The following PPP2R5C variants were observed in gnomAD, a reference collection of about 807,000 sequenced individuals.
The protein encoded by PPP2R5C is serine/threonine-protein phosphatase 2A 56 kDa regulatory subunit gamma isoform.
PPP2R5C carries 7 observed loss-of-function variants against 68.9 expected under a neutral mutation model. The observed-to-expected ratio is 0.10, with a 90% CI of 0.06 to 0.19. PPP2R5C has a LOEUF of 0.19. PPP2R5C is among the 10% of genes least tolerant of loss of function. PPP2R5C has a pLI of 1.00. For missense variants in PPP2R5C, 348 were observed against 641.3 expected (o/e 0.54, Z 4.94); for synonymous variants, 210 against 222.2 (o/e 0.95, Z 0.49).
intron 7 of PPP2R5C, 55 bp from the exon 10 acceptor site, chr14:101,894,452 C>T (rs2045168258): frequency 6.5e-7 from 1 of 1,529,748 alleles, no homozygotes; most frequent in African/African-American, 1.4e-5. Flanking sequence ...CTAGAAGAAG[C>T]ACAGCAGCAT....
At chr14:101,792,599 C>A (rs1192573799) in intron 3 of PPP2R5C, among the ~76,000 whole-genome samples, 2 of 152,146 alleles carry the variant, frequency 1.3e-5, no homozygotes, top group Non-Finnish European at 2.9e-5. Flanking sequence ...ACAGCTGAAG[C>A]TTTTTTCTAG....
At chr14:101,925,028 G>A (rs532337462) in intron 13 of PPP2R5C, 113 bp from the exon 16 acceptor site, 21 of 1,216,512 alleles carry the variant, frequency 1.7e-5, no homozygotes, top group African/African-American at 3.0e-5. Flanking sequence ...TGCCGCCAGC[G>A]AGTGGGTGAG....
chr14:101,782,167 TC>T (rs1371517975), intron 2 of PPP2R5C, among the ~76,000 whole-genome samples: 1 of 30,572 alleles, frequency 3.3e-5, no homozygotes, highest in South Asian at 1.9e-3. Flanking sequence ...TCTCTCTTTT[TC>T]CCCCTCCCCC....
intron 1 of PPP2R5C, among the ~76,000 whole-genome samples, chr14:101,838,405 T>C (rs1234749661): frequency 6.6e-6 from 1 of 152,258 alleles, no homozygotes; most frequent in Non-Finnish European, 1.5e-5. Context: ...TTGTTAACTT[T>C]CTTAAATAAT....
At chr14:101,892,770 C>G (rs556123075) in intron 6 of PPP2R5C, among the ~76,000 whole-genome samples, 1 of 152,066 alleles carries the variant, frequency 6.6e-6, no homozygotes, top group African/African-American at 2.4e-5. Context: ...AACAGTGGCT[C>G]TTCACAGGTG....
At chr14:101,921,556 G>A (rs1214840797) in intron 13 of PPP2R5C, among the ~76,000 whole-genome samples, 1 of 151,958 alleles carries the variant, frequency 6.6e-6, no homozygotes, top group East Asian at 1.9e-4. Context: ...CGGGATGCAG[G>A]AAAAACGTGC....
chr14:101,819,587 T>C (rs2039923735), intron 1 of PPP2R5C: 1 of 153,198 alleles, frequency 6.5e-6, no homozygotes, highest in African/African-American at 2.4e-5. Flanking sequence ...GTTTTTAGTT[T>C]TGTTTTTGTT....
At chr14:101,918,177 A>G (rs1383752928) in intron 13 of PPP2R5C, among the ~76,000 whole-genome samples, 1 of 115,420 alleles carries the variant, frequency 8.7e-6, no homozygotes, top group Admixed American at 7.7e-5. Flanking sequence ...CCATTTACTA[A>G]CAGCAGTAGT....
chr14:101,855,925 A>C (rs1457794108), intron 1 of PPP2R5C, among the ~76,000 whole-genome samples: 1 of 152,220 alleles, frequency 6.6e-6, no homozygotes, highest in African/African-American at 2.4e-5. Flanking sequence ...AGTTTTTAGG[A>C]TGATGTCTGG....
At chr14:101,794,327 A>G (rs995904726) in intron 3 of PPP2R5C, among the ~76,000 whole-genome samples, 1 of 150,010 alleles carries the variant, frequency 6.7e-6, no homozygotes, top group African/African-American at 2.5e-5. Context: ...CAAAAACAAT[A>G]TTGATATTAC....
intron 2 of PPP2R5C, among the ~76,000 whole-genome samples, chr14:101,861,181 G>A (rs1260978033): frequency 2.0e-5 from 3 of 152,174 alleles, no homozygotes; most frequent in Non-Finnish European, 4.4e-5. Flanking sequence ...AAGAGTTAAG[G>A]TTAGGGGTTG....
rs1053684400 is a variant in PPP2R5C, at chr14:101,771,285, C to T, written c.93+8315C>T. Among the ~76,000 whole-genome samples, 10 of 149,438 alleles carry T rather than the reference C, an allele frequency of 6.7e-5. No homozygotes were observed. The South Asian group carries it at 2.1e-3, about 32-fold the overall frequency. ...TGTGTATTTTTTTGAGACAGAGTCT[C>T]ACCCTGTCGCCCAGGCTGGAGTGCA... On this transcript the variant is annotated intron_variant, in intron 2 of 14. Coordinates refer to the PPP2R5C transcript ENST00000328724.
In PPP2R5C at chr14:101,876,414, C is replaced by T. The variant is rs76639923; in HGVS notation, c.295-5747C>T. The stretch of plus-strand genomic sequence containing the variant: ...GTTGCCTCTAAAGTTAGACTGTCAG[C>T]GGTTTTTTTTTTTAATGTATCCCTT... On this transcript the variant is annotated intron_variant, in intron 2 of 13. Transcript: ENST00000334743. Among the ~76,000 whole-genome samples, 1,100 of 149,728 alleles carry T rather than the reference C, an allele frequency of 7.3e-3. 17 individuals carry two copies. Among genetic ancestry groups the T allele is most frequent in the African/African-American group, 0.026 (1,053 of 40,896 alleles).
intron 2 of PPP2R5C, among the ~76,000 whole-genome samples, chr14:101,878,938 C>A (rs1470456526): frequency 6.6e-6 from 1 of 152,202 alleles, no homozygotes; most frequent in Non-Finnish European, 1.5e-5. Context: ...TTTCAGTTAT[C>A]GCCTTTAACC....
chr14:101,765,888 T>G (rs554909889), intron 2 of PPP2R5C: 1 of 152,288 alleles, frequency 6.6e-6, no homozygotes, highest in East Asian at 1.9e-4. Flanking sequence ...TGCAGCCCCT[T>G]TCAAGCCTTT....
chr14:101,771,998 C>G (rs1315985904), intron 2 of PPP2R5C, among the ~76,000 whole-genome samples: 2 of 152,166 alleles, frequency 1.3e-5, no homozygotes, highest in African/African-American at 4.8e-5. Flanking sequence ...TCAGTAGCCA[C>G]ATGTGGCCAG....
Position 101,882,140 on chromosome 14 carries a change from T to C in PPP2R5C, c.295-21T>C. 6.5e-7 allele frequency: 1 copy of C among 1,537,424 alleles called. No individual in the cohort carries two copies. Among genetic ancestry groups the C allele is most frequent in the Non-Finnish European group, 8.9e-7 (1 of 1,125,560 alleles). On this transcript the variant is annotated intron_variant, in intron 2 of 13. Transcript: ENST00000334743. The surrounding 1 kb of genome is among the most constrained non-coding windows in gnomAD (Gnocchi z 4.9). Reference sequence around the variant, plus strand: ...ATATTTTAAATGCCCTGATTGTAATTATAGAATATGTGGATTTTAGTTTGC... The same window carrying C: ...ATATTTTAAATGCCCTGATTGTAATCATAGAATATGTGGATTTTAGTTTGC...
chr14:101,816,944 AATATT>A (rs2039751852), intron 1 of PPP2R5C, among the ~76,000 whole-genome samples: 1 of 142,478 alleles, frequency 7.0e-6, no homozygotes, highest in Non-Finnish European at 1.5e-5. Context: ...ATAATATAAA[AATATT>A]ATATATGTAT....
At chr14:101,813,264 G>T (rs562266209) in intron 1 of PPP2R5C, among the ~76,000 whole-genome samples, 1 of 152,210 alleles carries the variant, frequency 6.6e-6, no homozygotes, top group Admixed American at 6.5e-5. Flanking sequence ...GGAATTGTTC[G>T]ACTTTTTTGG....
Sources: gnomAD v4.1 joint callset for allele counts (sites outside exome capture counted in the v4.1 genomes callset) on GRCh38, gnomAD v4.1.1 for gene constraint, Gnocchi (gnomAD v3.1) non-coding constraint, MANE v1.5 for transcripts, NCBI Gene and HGNC (gene_info 2026-07-23, HGNC 2026-07-21) for gene names.